The following ARK2C variants were observed in gnomAD, a reference collection of about 807,000 sequenced individuals.
ARK2C encodes the protein arkadia (RNF111) C-terminal like ring finger ubiquitin ligase 2C.
the ARK2C span, among the ~76,000 whole-genome samples, chr18:46,391,523 G>C: frequency 1.3e-5 from 2 of 152,144 alleles, no homozygotes; most frequent in Admixed American, 6.5e-5. Flanking sequence ...GTAGCCCCAT[G>C]TTCTGTGGGA....
At chr18:46,433,268 A>C in the ARK2C span, 3 of 1,610,734 alleles carry the variant, frequency 1.9e-6, no homozygotes, top group Non-Finnish European at 2.5e-6. Context: ...CAGCCGCAGC[A>C]GCTCGCTCCC....
At chr18:46,355,505 T>C in the ARK2C span, among the ~76,000 whole-genome samples, 34 of 152,160 alleles carry the variant, frequency 2.2e-4, no homozygotes, top group African/African-American at 8.0e-4. Context: ...AGTCTAATAT[T>C]CTAGAAAAAA....
chr18:46,373,193 A>C, the ARK2C span, among the ~76,000 whole-genome samples: 3 of 152,222 alleles, frequency 2.0e-5, no homozygotes, highest in African/African-American at 7.2e-5. Context: ...CCAGGGTGTC[A>C]TCTCCTTCAT....
At chr18:46,376,389 C>T in the ARK2C span, among the ~76,000 whole-genome samples, 1 of 152,198 alleles carries the variant, frequency 6.6e-6, no homozygotes, top group Non-Finnish European at 1.5e-5. Flanking sequence ...TGGTAGAGGC[C>T]ACAGCGTGGC....
At chr18:46,419,837 C>T in the ARK2C span, among the ~76,000 whole-genome samples, 1 of 152,114 alleles carries the variant, frequency 6.6e-6, no homozygotes, top group Non-Finnish European at 1.5e-5. Context: ...TCTCCTCCCT[C>T]CCCCCTTCCT....
the ARK2C span, among the ~76,000 whole-genome samples, chr18:46,387,429 C>T: frequency 6.6e-6 from 1 of 152,212 alleles, no homozygotes; most frequent in African/African-American, 2.4e-5. Flanking sequence ...AGTACAAAAA[C>T]AGCATTAGCT....
At chr18:46,360,490 A>G in the ARK2C span, among the ~76,000 whole-genome samples, 4 of 152,202 alleles carry the variant, frequency 2.6e-5, no homozygotes, top group Admixed American at 2.6e-4. Flanking sequence ...TCATTTACAA[A>G]CAGACCCTGG....
chr18:46,336,837 C>A, the ARK2C span: 1 of 985,376 alleles, frequency 1.0e-6, no homozygotes, highest in Non-Finnish European at 1.2e-6. Flanking sequence ...CCAGGCATAA[C>A]TGAAGATTGC....
At chr18:46,425,513 T>C in the ARK2C span, among the ~76,000 whole-genome samples, 535 of 152,352 alleles carry the variant, frequency 3.5e-3, 1 homozygote, top group Middle Eastern at 0.01. Context: ...CTCTCAGCCC[T>C]GGAGTCTTGA....
the ARK2C span, among the ~76,000 whole-genome samples, chr18:46,352,523 A>G: frequency 6.6e-6 from 1 of 152,192 alleles, no homozygotes; most frequent in Non-Finnish European, 1.5e-5. Flanking sequence ...CAACTCTCAG[A>G]ACAGCCTAGA....
chr18:46,339,847 C>T, the ARK2C span, among the ~76,000 whole-genome samples: 1 of 152,270 alleles, frequency 6.6e-6, no homozygotes, highest in East Asian at 1.9e-4. Context: ...GCCTGGGCCA[C>T]TCATCTTCCT....
the ARK2C span, among the ~76,000 whole-genome samples, chr18:46,392,536 G>A: frequency 1.3e-5 from 2 of 150,472 alleles, no homozygotes; most frequent in African/African-American, 4.9e-5. Flanking sequence ...CCTGTGGCCA[G>A]AGCCCCTGTC....
At chr18:46,429,336 T>C in the ARK2C span, among the ~76,000 whole-genome samples, 4 of 152,222 alleles carry the variant, frequency 2.6e-5, no homozygotes, top group African/African-American at 9.6e-5. Context: ...GCAGCTTCGG[T>C]CTGCCCTTTG....
At chr18:46,369,071 T>C in the ARK2C span, among the ~76,000 whole-genome samples, 1 of 152,232 alleles carries the variant, frequency 6.6e-6, no homozygotes, top group East Asian at 1.9e-4. Context: ...GAAATTAATC[T>C]ATGTGTTTAA....
chr18:46,450,821 C>G, the ARK2C span: 20 of 1,576,156 alleles, frequency 1.3e-5, no homozygotes, highest in Non-Finnish European at 1.7e-6. Flanking sequence ...AGCAGGCCAG[C>G]CTGCATAGTC....
chr18:46,392,997 C>T, the ARK2C span, among the ~76,000 whole-genome samples: 5 of 152,262 alleles, frequency 3.3e-5, no homozygotes, highest in Middle Eastern at 3.4e-3. Flanking sequence ...ATAAGGCAGC[C>T]TCCTCACCTC....
the ARK2C span, among the ~76,000 whole-genome samples, chr18:46,356,567 G>T: frequency 6.6e-6 from 1 of 152,134 alleles, no homozygotes; most frequent in Admixed American, 6.5e-5. Context: ...CACGGAATGC[G>T]TACTTCTTGC....
At chr18:46,426,232 A>G in the ARK2C span, among the ~76,000 whole-genome samples, 1 of 152,128 alleles carries the variant, frequency 6.6e-6, no homozygotes, top group Non-Finnish European at 1.5e-5. Flanking sequence ...TTTGGCTTTC[A>G]GGAAACACCT....
At chr18:46,382,921 G>A in the ARK2C span, among the ~76,000 whole-genome samples, 1 of 152,222 alleles carries the variant, frequency 6.6e-6, no homozygotes, top group African/African-American at 2.4e-5. Flanking sequence ...AGCTCATGTA[G>A]TCCCATCCCC....
Sources: gnomAD v4.1 joint callset for allele counts (sites outside exome capture counted in the v4.1 genomes callset) on GRCh38, gnomAD v4.1.1 for gene constraint, MANE v1.5 for transcripts, NCBI Gene and HGNC (gene_info 2026-07-23, HGNC 2026-07-21) for gene names.